The following SELENOI variants were observed in gnomAD, a reference collection of about 807,000 sequenced individuals.
SELENOI encodes the protein ethanolaminephosphotransferase 1.
SELENOI carries 24 observed loss-of-function variants against 50.7 expected under a neutral mutation model. The ratio of observed to expected loss-of-function variants is 0.47; its 90% CI spans 0.34 to 0.67. The LOEUF is 0.67. Ranked by LOEUF, SELENOI falls within the 30% of genes least tolerant of loss-of-function variation. The pLI is 0.01. For synonymous variants in SELENOI, 155 were observed against 170.2 expected, an observed-to-expected ratio of 0.91 and a Z score of 0.70; for missense variants, 352 against 461.4, an observed-to-expected ratio of 0.76 and a Z score of 2.17.
At chr2:26,377,060 T>C (rs116145577) in intron 6 of SELENOI, among the ~76,000 whole-genome samples, 323 of 152,348 alleles carry the variant, frequency 2.1e-3, no homozygotes, top group Admixed American at 3.5e-3. Context: ...TATTTTTGAC[T>C]GAATGTGTGA....
chr2:26,349,932 C>CAAAAAAAAAA (rs70950184), intron 1 of SELENOI, among the ~76,000 whole-genome samples: 2 of 55,286 alleles, frequency 3.6e-5, no homozygotes, highest in African/African-American at 1.7e-4. Flanking sequence ...CTCATCTCCA[C>CAAAAAAAAAA]AAAAAAAAAA....
In SELENOI at chr2:26,386,511, C is replaced by T. The variant is rs1409123660; in HGVS notation, c.1070C>T (p.Ala357Val). The change falls in exon 9 of 10, where the codon GCC (alanine) becomes GTC (valine). Residue 357 changes from alanine to valine, a missense_variant. Ala to Val is a moderately conservative substitution (Grantham distance 64). Coordinates refer to ENST00000260585, the MANE Select transcript of SELENOI (RefSeq NM_033505.4). ...LYTLTTAFTLAHIHYGVRVVK... is the reference protein window; with the variant it reads ...LYTLTTAFTLVHIHYGVRVVK... ...ACATTAACAACTGCTTTTACTCTGG[C>T]CCACATCCATTATGGAGTACGAGTG... is the stretch of plus-strand genomic sequence containing the variant. 1 of 1,611,884 alleles carries T rather than the reference C, an allele frequency of 6.2e-7. No individual in the cohort carries two copies. The highest frequency in any genetic ancestry group is 1.1e-5 in the South Asian group (1 of 90,650).
At chr2:26,353,911 C>T (rs928848526) in intron 1 of SELENOI, among the ~76,000 whole-genome samples, 4 of 151,894 alleles carry the variant, frequency 2.6e-5, no homozygotes, top group Admixed American at 6.6e-5. Context: ...ACGGGAAACT[C>T]GGGGAAAGGT....
intron 1 of SELENOI, among the ~76,000 whole-genome samples, chr2:26,354,002 G>A (rs1041176730): frequency 1.3e-5 from 2 of 152,146 alleles, no homozygotes; most frequent in African/African-American, 2.4e-5. Context: ...AGGAAGTGGC[G>A]GGTGTGTAAG....
intron 1 of SELENOI, among the ~76,000 whole-genome samples, chr2:26,348,413 T>C (rs1358410654): frequency 6.6e-6 from 1 of 152,228 alleles, no homozygotes; most frequent in Non-Finnish European, 1.5e-5. Context: ...CCTAGAGGTA[T>C]ATCTGAGAGC....
At chr2:26,356,095 CTT>C (rs1020708997) in intron 1 of SELENOI, among the ~76,000 whole-genome samples, 1 of 152,204 alleles carries the variant, frequency 6.6e-6, no homozygotes, top group African/African-American at 2.4e-5. Context: ...CATTAAAAAA[CTT>C]TTTATTTCTG....
At chr2:26,375,924 T>C (rs1558419291) in intron 6 of SELENOI, among the ~76,000 whole-genome samples, 1 of 151,846 alleles carries the variant, frequency 6.6e-6, no homozygotes. Flanking sequence ...TTGGGCAACA[T>C]AGTGAAACCC....
chr2:26,374,027 C>T (rs1677514743), intron 5 of SELENOI, among the ~76,000 whole-genome samples: 1 of 152,136 alleles, frequency 6.6e-6, no homozygotes, highest in Non-Finnish European at 1.5e-5. Context: ...GTTAGGATTA[C>T]AGGCATGAGC....
intron 1 of SELENOI, among the ~76,000 whole-genome samples, chr2:26,360,790 G>A (rs1268832284): frequency 6.6e-6 from 1 of 151,704 alleles, no homozygotes. Flanking sequence ...TTGGCAGCCT[G>A]TAGGGGTTCA....
chr2:26,377,517 A>G (rs1454721191), intron 6 of SELENOI, among the ~76,000 whole-genome samples: 1 of 152,048 alleles, frequency 6.6e-6, no homozygotes, highest in African/African-American at 2.4e-5. Flanking sequence ...CTGTAGTCCC[A>G]GTTACTTGGG....
intron 6 of SELENOI, among the ~76,000 whole-genome samples, chr2:26,377,963 A>T (rs1380484534): frequency 6.6e-6 from 1 of 151,806 alleles, no homozygotes; most frequent in Non-Finnish European, 1.5e-5. Flanking sequence ...TTTTGTTCTG[A>T]TAGGCATTTA....
At position 26,373,434 on chromosome 2, in the gene SELENOI, T is replaced by C. The variant is rs947280656; in HGVS notation, c.378T>C (p.His126=). The C allele has an allele frequency of 1.9e-6, 3 of 1,613,620 alleles. No individual in the cohort carries two copies. Among genetic ancestry groups the C allele is most frequent in the Non-Finnish European group, 2.5e-6 (3 of 1,179,664 alleles). Residue 126 remains histidine, a synonymous_variant, in exon 5 of 10, where the codon CAT becomes CAC. Coordinates refer to ENST00000260585, the MANE Select transcript of SELENOI (RefSeq NM_033505.4). ...SSTPLGELFD[H]GLDSWSCVYF... ...CTCCCTTAGGGGAGCTTTTTGATCA[T>C]GGCCTGGATAGTTGGTCATGTGTTT...
chr2:26,362,818 G>A (rs1677209971), intron 1 of SELENOI, among the ~76,000 whole-genome samples: 1 of 151,990 alleles, frequency 6.6e-6, no homozygotes, highest in Admixed American at 6.6e-5. Context: ...GTAAATTTCA[G>A]ATGGATGAAT....
At chr2:26,378,588 CTG>C (rs1164306224) in intron 6 of SELENOI, among the ~76,000 whole-genome samples, 4 of 152,232 alleles carry the variant, frequency 2.6e-5, no homozygotes, top group Non-Finnish European at 4.4e-5. Flanking sequence ...GTAAGGAAGA[CTG>C]TGGCTTTCCA....
intron 1 of SELENOI, 140 bp from the exon 2 acceptor site, chr2:26,364,162 A>C (rs1013578798): frequency 1.5e-4 from 83 of 550,196 alleles, no homozygotes; most frequent in African/African-American, 2.1e-5. Context: ...AGTGATCCTC[A>C]GGCCTCAGCC....
intron 5 of SELENOI, 117 bp downstream of exon 5, chr2:26,373,746 A>C (rs971042458): frequency 9.3e-6 from 10 of 1,071,904 alleles, no homozygotes; most frequent in East Asian, 5.3e-5. Context: ...TGTACTTAAA[A>C]ATTTTTTATT....
chr2:26,391,180 CT>C lies in SELENOI; in HGVS notation c.*2080del, dbSNP rs1677959545. On this transcript the variant is annotated 3_prime_UTR_variant, in exon 10 of 10. Transcript: ENST00000260585. ...TATTTGAAAATTGTTTTGTGCTGTACTTTATGACTTGTTTCCCTATGGTGGT... is the reference window on the plus strand; with the variant it reads ...TATTTGAAAATTGTTTTGTGCTGTACTTATGACTTGTTTCCCTATGGTGGT... 4 of 152,210 alleles carry C rather than the reference CT, an allele frequency of 2.6e-5. No homozygotes were observed. The South Asian group carries it at 8.3e-4, about 32-fold the overall frequency. The allele number at this position is 152,210 out of a possible 1,614,324, so 9.4% of individuals were successfully genotyped here.
chr2:26,386,725 C>G (rs1184757280), intron 9 of SELENOI, among the ~76,000 whole-genome samples, 189 bp downstream of exon 9: 3 of 152,128 alleles, frequency 2.0e-5, no homozygotes, highest in East Asian at 3.8e-4. Context: ...TATTGTTTCT[C>G]TAATGAGTAT....
chr2:26,367,270 A>G (rs781358615), intron 4 of SELENOI, 50 bp downstream of exon 4: 1 of 1,403,300 alleles, frequency 7.1e-7, no homozygotes, highest in Non-Finnish European at 9.9e-7. Flanking sequence ...TGAATCAGCA[A>G]GGATAGCCAC....
Sources: gnomAD v4.1 joint callset for allele counts (sites outside exome capture counted in the v4.1 genomes callset) on GRCh38, gnomAD v4.1.1 for gene constraint, MANE v1.5 for transcripts, NCBI Gene and HGNC (gene_info 2026-07-23, HGNC 2026-07-21) for gene names.